Variants in TOX2 observed in about 807,000 individuals in gnomAD.
The protein encoded by TOX2 is TOX high mobility group box family member 2, also known as granulosa cell HMG box 1.
A neutral mutation model predicts 47.4 loss-of-function variants in TOX2; 15 were observed. The observed-to-expected ratio is 0.32, with a 90% CI of 0.21 to 0.49. TOX2 has a LOEUF of 0.49. Ranked by LOEUF, TOX2 falls within the 20% of genes least tolerant of loss-of-function variation. The pLI, the probability that TOX2 is intolerant of heterozygous loss-of-function variation, is 0.99. For missense variants in TOX2, 622 were observed against 673.1 expected (o/e 0.92, Z 0.84); for synonymous variants, 290 against 296.6 (o/e 0.98, Z 0.23).
At chr20:44,064,945 G>A (rs894870801) in intron 6 of TOX2, 88 bp downstream of exon 6, 38 of 1,226,362 alleles carry the variant, frequency 3.1e-5, no homozygotes, top group Admixed American at 2.6e-4. Context: ...GGGAAGGGCC[G>A]GCACCCCAGG....
At chr20:44,019,246 A>G (rs552447650) in intron 3 of TOX2, among the ~76,000 whole-genome samples, 1 of 152,350 alleles carries the variant, frequency 6.6e-6, no homozygotes, top group Non-Finnish European at 1.5e-5. Flanking sequence ...CATATCTTCT[A>G]ACCCTCCTGT....
chr20:44,024,075 G>A (rs1396048978), intron 3 of TOX2, among the ~76,000 whole-genome samples: 1 of 152,106 alleles, frequency 6.6e-6, no homozygotes, highest in African/African-American at 2.4e-5. Flanking sequence ...GTTCTCCTGA[G>A]TAATCTACTA....
chr20:43,929,563 C>T lies in TOX2; in HGVS notation c.99+14573C>T, dbSNP rs923282269. Reference sequence around the variant, plus strand: ...GTTCCCTTTGCCTGGAATGTTCTTGCCCTCATTCTTTACATGGCTGGCTCC... The same window carrying T: ...GTTCCCTTTGCCTGGAATGTTCTTGTCCTCATTCTTTACATGGCTGGCTCC... On this transcript the variant is annotated intron_variant, in intron 1 of 8. Coordinates refer to ENST00000341197, the MANE Select transcript of TOX2 (RefSeq NM_001098797.2). Among the ~76,000 whole-genome samples, 11 of 152,286 alleles carry T rather than the reference C, an allele frequency of 7.2e-5. No homozygotes were observed. The East Asian group carries it at 2.1e-3, about 29-fold the overall frequency.
chr20:43,925,688 C>T (rs575964638), intron 1 of TOX2, among the ~76,000 whole-genome samples: 9 of 152,224 alleles, frequency 5.9e-5, no homozygotes, highest in Non-Finnish European at 8.8e-5. Context: ...TTAGTGCTCA[C>T]AGGCTTCGCT....
chr20:44,017,284 T>C (rs1383879235), intron 3 of TOX2, among the ~76,000 whole-genome samples: 1 of 152,170 alleles, frequency 6.6e-6, no homozygotes, highest in Non-Finnish European at 1.5e-5. Context: ...GGGTGAATCT[T>C]TGTTGTCCGC....
chr20:43,965,724 T>C (rs1169326532), intron 1 of TOX2, among the ~76,000 whole-genome samples: 1 of 152,144 alleles, frequency 6.6e-6, no homozygotes, highest in African/African-American at 2.4e-5. Flanking sequence ...CCTCAGCACA[T>C]TTGAATGAGA....
chr20:43,986,810 A>G (rs1038907607), intron 2 of TOX2, among the ~76,000 whole-genome samples: 3 of 152,188 alleles, frequency 2.0e-5, no homozygotes, highest in African/African-American at 7.2e-5. Context: ...TCATGCCTGT[A>G]ATCCTAGCAC....
intron 4 of TOX2, among the ~76,000 whole-genome samples, chr20:44,051,897 G>A (rs1425020850): frequency 1.3e-5 from 2 of 152,214 alleles, no homozygotes; most frequent in Non-Finnish European, 2.9e-5. Flanking sequence ...TTCCCTCGGG[G>A]CTCCCACAGC....
At chr20:43,981,104 A>G (rs2070161985) in intron 2 of TOX2, among the ~76,000 whole-genome samples, 1 of 152,268 alleles carries the variant, frequency 6.6e-6, no homozygotes, top group East Asian at 1.9e-4. Context: ...AGAATCATTC[A>G]TAAATCATAA....
chr20:44,041,083 G>T (rs1474085473), intron 3 of TOX2, among the ~76,000 whole-genome samples: 1 of 152,212 alleles, frequency 6.6e-6, no homozygotes, highest in East Asian at 1.9e-4. Context: ...GCTGAGCATG[G>T]ATGTAGCCTC....
chr20:43,989,047 C>T (rs1019252196), intron 2 of TOX2, among the ~76,000 whole-genome samples: 28 of 152,136 alleles, frequency 1.8e-4, no homozygotes, highest in African/African-American at 6.5e-4. Flanking sequence ...TGATTCAGGC[C>T]GTGCTATCCC....
chr20:44,019,319 G>A (rs1030128964), intron 3 of TOX2, among the ~76,000 whole-genome samples: 6 of 152,236 alleles, frequency 3.9e-5, no homozygotes, highest in African/African-American at 1.2e-4. Context: ...TAAAGGGAAG[G>A]TGGCTTGTCC....
At chr20:43,965,609 G>A (rs564918341) in intron 1 of TOX2, among the ~76,000 whole-genome samples, 1 of 152,314 alleles carries the variant, frequency 6.6e-6, no homozygotes, top group South Asian at 2.1e-4. Flanking sequence ...AAGGGGCAGT[G>A]GCAAAATTCA....
At chr20:43,990,890 AG>A (rs1419620609) in intron 2 of TOX2, among the ~76,000 whole-genome samples, 5 of 152,064 alleles carry the variant, frequency 3.3e-5, no homozygotes, top group Non-Finnish European at 4.4e-5. Context: ...CATTTTCAGA[AG>A]GTAGAAATGG....
chr20:43,948,632 G>A (rs1330726993), intron 1 of TOX2, among the ~76,000 whole-genome samples: 1 of 152,120 alleles, frequency 6.6e-6, no homozygotes, highest in Non-Finnish European at 1.5e-5. Context: ...CGGGCCTGCT[G>A]GGGCAGCCTC....
At chr20:43,988,804 T>TAC (rs138079505) in intron 2 of TOX2, among the ~76,000 whole-genome samples, 38 of 152,098 alleles carry the variant, frequency 2.5e-4, no homozygotes, top group African/African-American at 6.0e-4. Context: ...TACAGGGATA[T>TAC]ACACACACAC....
intron 7 of TOX2, 70 bp from the exon 8 acceptor site, chr20:44,066,660 C>A: frequency 6.2e-7 from 1 of 1,611,476 alleles, no homozygotes; most frequent in Non-Finnish European, 8.5e-7. Flanking sequence ...GGCTCTCACC[C>A]CGGGAGGCCT....
At chr20:43,974,389 T>C (rs2070035512) in intron 2 of TOX2, among the ~76,000 whole-genome samples, 1 of 152,194 alleles carries the variant, frequency 6.6e-6, no homozygotes, top group Admixed American at 6.5e-5. Flanking sequence ...CATGGCAGAA[T>C]GTGATACCAG....
chr20:44,061,403 A>G (rs1391147390), intron 5 of TOX2, among the ~76,000 whole-genome samples: 8 of 151,882 alleles, frequency 5.3e-5, no homozygotes, highest in Non-Finnish European at 1.0e-4. Flanking sequence ...TAACAACAAC[A>G]AAAAAACGAA....
Sources: allele counts gnomAD v4.1 joint callset (sites outside exome capture counted in the v4.1 genomes callset), GRCh38; gene constraint gnomAD v4.1.1; transcripts MANE v1.5; gene names NCBI Gene and HGNC (gene_info 2026-07-23, HGNC 2026-07-21).